The following VPS13B variants were observed in gnomAD, a reference collection of about 807,000 sequenced individuals.
VPS13B encodes intermembrane lipid transfer protein VPS13B.
In VPS13B, 285 loss-of-function variants were observed where a neutral mutation model predicts 426.4. The observed-to-expected ratio is 0.67, with a 90% CI of 0.61 to 0.74. The LOEUF (loss-of-function observed/expected upper bound fraction) is 0.74, where lower values mean the gene tolerates loss of function less well. VPS13B is among the 30% of genes least tolerant of loss of function. The pLI, the probability that VPS13B is intolerant of heterozygous loss-of-function variation, is 0.00. For synonymous variants in VPS13B, 1,676 were observed against 1,676.4 expected (o/e 1.00, Z 0.01); for missense variants, 4,537 against 4,782.6 (o/e 0.95, Z 1.51).
At chr8:99,691,837 G>C (rs1831681992) in intron 35 of VPS13B, among the ~76,000 whole-genome samples, 1 of 140,046 alleles carries the variant, frequency 7.1e-6, no homozygotes, top group South Asian at 2.4e-4. Flanking sequence ...AAAATAAAAG[G>C]ATGGAGGAAG....
rs780841974 is a variant in VPS13B, at chr8:99,809,413, T to G, written c.7980T>G (p.Arg2660=). The part of the protein sequence containing the change: ...HICIEGWGNW[R]WSEPFSVDHA... ...GTATTGAAGGTTGGGGCAACTGGCG[T>G]TGGTCAGAGCCTTTCAGTGTGGACC... The change falls in exon 44 of 62, where the codon CGT becomes CGG. Residue 2660 remains arginine (R), a synonymous_variant. Coordinates refer to ENST00000357162, the MANE Select transcript of VPS13B (RefSeq NM_152564.5). 4.3e-6 allele frequency: 7 copies of G among 1,613,878 alleles called. 1 individual carries two copies. In the South Asian group the frequency reaches 7.7e-5, roughly 18 times the overall value.
chr8:99,624,620 G>A (rs1828524200), intron 33 of VPS13B, among the ~76,000 whole-genome samples: 1 of 152,070 alleles, frequency 6.6e-6, no homozygotes, highest in Non-Finnish European at 1.5e-5. Flanking sequence ...ACAGTGTTAA[G>A]GAAGCTATAT....
At chr8:99,189,920 G>A (rs975363102) in intron 16 of VPS13B, among the ~76,000 whole-genome samples, 2 of 152,122 alleles carry the variant, frequency 1.3e-5, no homozygotes, top group Admixed American at 6.5e-5. Context: ...CTCTGCTGTT[G>A]TTGGGTGGGG....
At chr8:99,644,111 C>A (rs188416855) in intron 34 of VPS13B, among the ~76,000 whole-genome samples, 1 of 152,018 alleles carries the variant, frequency 6.6e-6, no homozygotes, top group Non-Finnish European at 1.5e-5. Context: ...GGAAAGGGGC[C>A]GAGAGGAACA....
intron 16 of VPS13B, 56 bp downstream of exon 16, chr8:99,170,219 A>G: frequency 6.3e-7 from 1 of 1,584,650 alleles, no homozygotes. Context: ...TTAGGAGGGA[A>G]AAAACCCCCA....
chr8:99,665,229 G>A (rs1830435230), intron 35 of VPS13B, among the ~76,000 whole-genome samples: 1 of 152,152 alleles, frequency 6.6e-6, no homozygotes, highest in African/African-American at 2.4e-5. Flanking sequence ...CCCTTTGTCA[G>A]ATGAGTAGGT....
intron 39 of VPS13B, 102 bp downstream of exon 39, chr8:99,721,149 T>C (rs1563881814): frequency 5.8e-6 from 7 of 1,201,820 alleles, no homozygotes; most frequent in Non-Finnish European, 7.3e-6. Flanking sequence ...ACATTAATAG[T>C]ATCAGAGAGA....
At chr8:99,349,655 T>G (rs1252198801) in intron 19 of VPS13B, among the ~76,000 whole-genome samples, 2 of 152,194 alleles carry the variant, frequency 1.3e-5, no homozygotes, top group African/African-American at 4.8e-5. Context: ...CTGGCAACCC[T>G]AATTATGATT....
chr8:99,517,094 G>A (rs939806069), intron 29 of VPS13B, among the ~76,000 whole-genome samples: 5 of 152,180 alleles, frequency 3.3e-5, no homozygotes, highest in Non-Finnish European at 5.9e-5. Flanking sequence ...TGTCACAACA[G>A]TTTTGGCTTT....
chr8:99,502,795 G>A (rs1467082426), intron 26 of VPS13B, 41 bp from the exon 27 acceptor site: 3 of 1,380,082 alleles, frequency 2.2e-6, no homozygotes, highest in Non-Finnish European at 2.1e-6. Context: ...AATATTAATT[G>A]TGAAGACTGT....
chr8:99,392,685 T>A (rs1309417987), intron 21 of VPS13B, among the ~76,000 whole-genome samples: 9 of 152,102 alleles, frequency 5.9e-5, no homozygotes, highest in Non-Finnish European at 1.3e-4. Flanking sequence ...TAAGTCGTAT[T>A]TAACAACCAA....
intron 15 of VPS13B, 75 bp from the exon 16 acceptor site, chr8:99,169,964 A>G (rs915538912): frequency 7.0e-6 from 11 of 1,568,350 alleles, no homozygotes; most frequent in Non-Finnish European, 8.8e-6. Flanking sequence ...AAGCAAGTTG[A>G]AACTGACGTA....
intron 2 of VPS13B, among the ~76,000 whole-genome samples, chr8:99,034,358 C>T (rs1842645532): frequency 1.3e-5 from 2 of 151,042 alleles, no homozygotes; most frequent in Non-Finnish European, 1.5e-5. Flanking sequence ...TACTCTTTGG[C>T]ATGGGATATA....
At chr8:99,734,680 G>A (rs1833748328) in intron 39 of VPS13B, among the ~76,000 whole-genome samples, 1 of 152,168 alleles carries the variant, frequency 6.6e-6, no homozygotes, top group South Asian at 2.1e-4. Flanking sequence ...AATTACAGAG[G>A]AAAGGATGAA....
chr8:99,244,862 AG>A (rs1340851381), intron 17 of VPS13B, among the ~76,000 whole-genome samples: 9 of 152,226 alleles, frequency 5.9e-5, no homozygotes, highest in African/African-American at 2.2e-4. Context: ...GACTGAAGAT[AG>A]ACACACACAA....
At chr8:99,169,917 A>G (rs1812228706) in intron 15 of VPS13B, 122 bp from the exon 16 acceptor site, 1 of 1,226,358 alleles carries the variant, frequency 8.2e-7, no homozygotes, top group Admixed American at 1.8e-5. Flanking sequence ...GGAAGTGGAA[A>G]AAGACTTTGG....
intron 40 of VPS13B, among the ~76,000 whole-genome samples, chr8:99,774,428 A>G (rs1273659702): frequency 6.6e-6 from 1 of 152,194 alleles, no homozygotes; most frequent in Non-Finnish European, 1.5e-5. Flanking sequence ...GAATCAATCA[A>G]TTTGTTATAA....
intron 45 of VPS13B, 34 bp from the exon 46 acceptor site, chr8:99,818,417 T>C (rs765885970): frequency 1.1e-5 from 17 of 1,583,138 alleles, no homozygotes; most frequent in Non-Finnish European, 1.3e-5. Flanking sequence ...AACTGCTTAG[T>C]ATTCAATAGG....
intron 19 of VPS13B, among the ~76,000 whole-genome samples, chr8:99,310,315 G>C (rs1257152229): frequency 6.6e-6 from 1 of 152,142 alleles, no homozygotes; most frequent in Non-Finnish European, 1.5e-5. Flanking sequence ...TATTGGCTGT[G>C]CATTTGTCAT....
Sources: gnomAD v4.1 joint callset for allele counts (sites outside exome capture counted in the v4.1 genomes callset) on GRCh38, gnomAD v4.1.1 for gene constraint, MANE v1.5 for transcripts, NCBI Gene and HGNC (gene_info 2026-07-23, HGNC 2026-07-21) for gene names.